PDZD11: variants seen among roughly 807,000 people sequenced by gnomAD.
PDZD11 encodes PDZ domain containing 11.
Under a neutral mutation model 13.7 loss-of-function variants are expected in PDZD11, and 2 were observed. The observed-to-expected ratio is 0.15, with a 90% CI of 0.06 to 0.46. PDZD11 has a LOEUF of 0.46. PDZD11 is among the 20% of genes least tolerant of loss of function. The probability of loss-of-function intolerance (pLI) is 0.98; values close to 1 mark genes in which losing one functional copy is unlikely to be tolerated. For missense variants in PDZD11, 44 were observed against 111.7 expected (o/e 0.39, Z 2.73); for synonymous variants, 32 against 37.5 (o/e 0.85, Z 0.54).
rs191924936 is a variant in PDZD11, at chrX:70,288,793, C to T, written c.88-280G>A. 4.4e-3 allele frequency among the ~76,000 whole-genome samples: 479 copies of T among 108,967 alleles called. 4 individuals carry two copies. Among genetic ancestry groups the T allele is most frequent in the African/African-American group, 0.015 (452 of 29,847 alleles). 94.6% of individuals were successfully genotyped at this position (108,967 alleles called of 115,157 possible). A position where few individuals can be genotyped will look rare whatever the true frequency, so the allele number is the denominator to read the frequency against. On this transcript the variant is annotated intron_variant, in intron 2 of 6. Coordinates refer to ENST00000239666, the MANE Select transcript of PDZD11 (RefSeq NM_016484.5). ...AATCTCAGCTCACCGCAACCTCTGC[C>T]TCCCAGGTTCAAGCAATTCTCCCGC... is the stretch of plus-strand genomic sequence containing the variant.
intron 2 of PDZD11, 42 bp downstream of exon 2, chrX:70,289,213 G>T: frequency 9.1e-7 from 1 of 1,098,853 alleles, no homozygotes; most frequent in Non-Finnish European, 1.2e-6. Flanking sequence ...TCATGCCCAC[G>T]GGGAAAAAAA....
chrX:70,288,754 G>A (rs1219462445), intron 2 of PDZD11, among the ~76,000 whole-genome samples: 1 of 106,194 alleles, frequency 9.4e-6, no homozygotes, highest in Non-Finnish European at 1.9e-5. Context: ...GCCCAGGCTG[G>A]AGTGCAATGG....
Position 70,287,808 on chromosome X carries a change from T to C in PDZD11, c.251A>G (p.His84Arg). 2 of 1,202,885 alleles carry C rather than the reference T, an allele frequency of 1.7e-6. No homozygotes were observed. The highest frequency in any genetic ancestry group is 2.3e-6 in the Non-Finnish European group (2 of 887,383). The change falls in exon 5 of 7, where the codon CAT becomes CGT. Residue 84 changes from histidine to arginine, a missense_variant. Transcript: ENST00000239666. ...ISKVIPDSDA[H>R]RAGLQEGDQV... ...GTCCCCTTCCTGCAGTCCTGCTCTATGTGCATCAGAGTCAGGAATCACCTG... is the reference window on the plus strand; with the variant it reads ...GTCCCCTTCCTGCAGTCCTGCTCTACGTGCATCAGAGTCAGGAATCACCTG...
At chrX:70,288,194 A>G (rs777133571) in intron 3 of PDZD11, 21 bp from the exon 4 acceptor site, 3 of 1,183,890 alleles carry the variant, frequency 2.5e-6, no homozygotes, top group South Asian at 3.6e-5. Context: ...AGAGCACAGA[A>G]TGGGGGCTCA....
At position 70,287,354 on chromosome X, in the gene PDZD11, G is replaced by C; in HGVS notation, c.328-18C>G. The C allele has an allele frequency of 8.4e-7, 1 of 1,192,166 alleles. No individual in the cohort carries two copies. The highest frequency in any genetic ancestry group is 1.1e-6 in the Non-Finnish European group (1 of 878,521). ...TCAACAGCCTGGAAGGAACACAGCAGCTTGTACAAATGAAGAGATATGACC... is the reference window on the plus strand; with the variant it reads ...TCAACAGCCTGGAAGGAACACAGCACCTTGTACAAATGAAGAGATATGACC... On this transcript the variant is annotated intron_variant, in intron 5 of 6. Transcript: ENST00000239666.
Position 70,287,261 on chromosome X carries a change from G to GA in PDZD11, c.388+14dup. Reference sequence around the variant, plus strand: ...GGGCCCTGTCAGGAAAGTGAAAAAAGAAAGTGGCACTTACTGTAGGGAAAG... The same window carrying GA: ...GGGCCCTGTCAGGAAAGTGAAAAAAGAAAAGTGGCACTTACTGTAGGGAAAG... On this transcript the variant is annotated intron_variant, in intron 6 of 6. Transcript: ENST00000239666. 2.5e-6 allele frequency: 3 copies of GA among 1,203,787 alleles called. No individual in the cohort carries two copies. Among genetic ancestry groups the GA allele is most frequent in the South Asian group, 3.5e-5 (2 of 56,515 alleles).
intron 4 of PDZD11, 55 bp from the exon 5 acceptor site, chrX:70,287,885 T>C: frequency 3.2e-6 from 3 of 934,633 alleles, no homozygotes; most frequent in Non-Finnish European, 4.6e-6. Flanking sequence ...CAGAAGACTG[T>C]CAGTGAAATT....
At chrX:70,287,959 G>A in intron 4 of PDZD11, 129 bp from the exon 5 acceptor site, 1 of 716,602 alleles carries the variant, frequency 1.4e-6, no homozygotes, top group Non-Finnish European at 2.2e-6. Flanking sequence ...CAGATGGCCT[G>A]CCAAATGAAA....
chrX:70,289,367 A>G lies in PDZD11; in HGVS notation c.-13-13T>C. ...CTCGGGCAAGGCCCTGGAAGAGTGA[A>G]TCAGAACAGACAAAAAGTGGTTCAA... On this transcript the variant is annotated splice_polypyrimidine_tract_variant and intron_variant, in intron 1 of 6. Transcript: ENST00000239666. 8.3e-7 allele frequency: 1 copy of G among 1,198,008 alleles called. No homozygotes were observed.
At chrX:70,288,081 A>T in intron 4 of PDZD11, 36 bp downstream of exon 4, 1 of 1,100,896 alleles carries the variant, frequency 9.1e-7, no homozygotes, top group Non-Finnish European at 1.3e-6. Context: ...TAACAAAGGG[A>T]AGTAACGATC....
In PDZD11 at chrX:70,286,659, G is replaced by A. The variant is rs140803562; in HGVS notation, c.*423C>T. On this transcript the variant is annotated 3_prime_UTR_variant, in exon 7 of 7. Coordinates refer to ENST00000239666, the MANE Select transcript of PDZD11 (RefSeq NM_016484.5). Reference sequence around the variant, plus strand: ...AGGAGGAGGAAGGGGTGAAAACAGCGTCTCACTGGAGTCTCAAAAGTGTAT... The same window carrying A: ...AGGAGGAGGAAGGGGTGAAAACAGCATCTCACTGGAGTCTCAAAAGTGTAT... The A allele has an allele frequency of 5.3e-3, 663 of 125,708 alleles. 29 individuals carry two copies. The East Asian group carries it at 0.094, about 18-fold the overall frequency. 10.4% of individuals were successfully genotyped at this position (125,708 alleles called of 1,213,427 possible).
In PDZD11 at chrX:70,287,100, T is replaced by C. The variant is rs1307792856; in HGVS notation, c.405A>G (p.Lys135=). 1 of 1,199,547 alleles carries C rather than the reference T, an allele frequency of 8.3e-7. No individual in the cohort carries two copies. The highest frequency in any genetic ancestry group is 1.1e-6 in the Non-Finnish European group (1 of 888,785). ...CAACTTTCTAGTGCACAGTCCTCTC[T>C]TTTTGGCGATGATAATCTGAAGGAA... ...RFFPYNYHRQ[K]ERTVH The change falls in exon 7 of 7, where the codon AAA becomes AAG. Residue 135 remains lysine, a synonymous_variant. Transcript: ENST00000239666.
At chrX:70,289,548 G>C in intron 1 of PDZD11, 194 bp from the exon 2 acceptor site, 2 of 625,041 alleles carry the variant, frequency 3.2e-6, no homozygotes, top group Non-Finnish European at 4.7e-6. Context: ...TGGATGCCAA[G>C]CAACCTGTCA....
chrX:70,289,221 A>G (rs763580940), intron 2 of PDZD11, 34 bp downstream of exon 2: 1 of 1,148,259 alleles, frequency 8.7e-7, no homozygotes, highest in Non-Finnish European at 1.2e-6. Context: ...ACGGGGAAAA[A>G]AATCTCCTAC....
chrX:70,287,480 TTCTC>T (rs1053827476), intron 5 of PDZD11, 144 bp from the exon 6 acceptor site: 39 of 528,211 alleles, frequency 7.4e-5, no homozygotes, highest in African/African-American at 1.4e-4. Flanking sequence ...GGTGCTTACT[TTCTC>T]TCTCTCTTTT....
At chrX:70,289,159 C>T (rs920040878) in intron 2 of PDZD11, 96 bp downstream of exon 2, 5 of 667,658 alleles carry the variant, frequency 7.5e-6, no homozygotes, top group Admixed American at 7.0e-5. Flanking sequence ...ATTCACTCTC[C>T]GTTTCGCCTT....
At chrX:70,288,320 C>T (rs1458867305) in intron 3 of PDZD11, 110 bp downstream of exon 3, 3 of 883,495 alleles carry the variant, frequency 3.4e-6, no homozygotes, top group Admixed American at 5.1e-5. Flanking sequence ...TTTCTGTCCA[C>T]AAGAAGGAAA....
At chrX:70,288,297 T>G in intron 3 of PDZD11, 124 bp from the exon 4 acceptor site, 2 of 835,995 alleles carry the variant, frequency 2.4e-6, no homozygotes, top group Non-Finnish European at 3.5e-6. Context: ...GTTGCAGAAG[T>G]GTTATCTCAG....
chrX:70,289,048 C>G (rs762736605), intron 2 of PDZD11, among the ~76,000 whole-genome samples: 2 of 111,521 alleles, frequency 1.8e-5, no homozygotes, highest in African/African-American at 3.3e-5. Flanking sequence ...CAGAATTAAC[C>G]GGTGTGAACA....
Sources: allele counts gnomAD v4.1 joint callset (sites outside exome capture counted in the v4.1 genomes callset), GRCh38; gene constraint gnomAD v4.1.1; transcripts MANE v1.5; gene names NCBI Gene and HGNC (gene_info 2026-07-23, HGNC 2026-07-21).